The following SH3GL2 variants were observed in gnomAD, a reference collection of about 807,000 sequenced individuals.
The protein encoded by SH3GL2 is endophilin-A1.
In SH3GL2, 24 loss-of-function variants were observed where a neutral mutation model predicts 46.0. The ratio of observed to expected loss-of-function variants is 0.52; its 90% CI spans 0.38 to 0.73. The LOEUF (loss-of-function observed/expected upper bound fraction) is 0.73, where lower values mean the gene tolerates loss of function less well. SH3GL2 is among the 30% of genes least tolerant of loss of function. The pLI is 0.00. For missense variants in SH3GL2, 413 were observed against 424.2 expected (o/e 0.97, Z 0.23); for synonymous variants, 196 against 147.1 (o/e 1.33, Z -2.40).
At chr9:17,646,439 TGGA>T (rs1323816634) in intron 1 of SH3GL2, among the ~76,000 whole-genome samples, 1 of 152,104 alleles carries the variant, frequency 6.6e-6, no homozygotes, top group Non-Finnish European at 1.5e-5. Context: ...TGTGATCCTT[TGGA>T]GGAGAAGAGG....
At chr9:17,795,508 T>G (rs777733266) in intron 8 of SH3GL2, 36 bp from the exon 9 acceptor site, 1 of 1,566,062 alleles carries the variant, frequency 6.4e-7, no homozygotes, top group Non-Finnish European at 8.8e-7. Context: ...CCTTATCCTT[T>G]TGTGTTCTTC....
intron 3 of SH3GL2, among the ~76,000 whole-genome samples, chr9:17,776,898 G>T (rs771595608): frequency 1.3e-5 from 2 of 152,106 alleles, no homozygotes; most frequent in Non-Finnish European, 2.9e-5. Context: ...CTGTGACTTG[G>T]AAAAAGAGGC....
chr9:17,598,550 C>A (rs997816532), intron 1 of SH3GL2, among the ~76,000 whole-genome samples: 3 of 152,210 alleles, frequency 2.0e-5, no homozygotes. Flanking sequence ...AGCCCACCCC[C>A]CGACCTGCCC....
chr9:17,708,571 CTTTA>C (rs1436004090), intron 1 of SH3GL2, among the ~76,000 whole-genome samples: 11 of 151,926 alleles, frequency 7.2e-5, no homozygotes, highest in East Asian at 1.9e-4. Flanking sequence ...TTGCGTTATA[CTTTA>C]TTTATAAACT....
At chr9:17,711,204 A>C (rs1015069050) in intron 1 of SH3GL2, among the ~76,000 whole-genome samples, 4 of 151,930 alleles carry the variant, frequency 2.6e-5, no homozygotes, top group Non-Finnish European at 5.9e-5. Flanking sequence ...TACTTTTGTT[A>C]CCACTACTAC....
At position 17,768,284 on chromosome 9, in the gene SH3GL2, T is replaced by C. The variant is rs561593996; in HGVS notation, c.187+6775T>C. Among the ~76,000 whole-genome samples, 14 of 142,188 alleles carry C rather than the reference T, an allele frequency of 9.8e-5. No individual in the cohort carries two copies. In the South Asian group the frequency reaches 1.3e-3, roughly 13 times the overall value. The allele number at this position is 142,188 out of a possible 152,430, so 93.3% of individuals were successfully genotyped here. ...TACTTGGGAGGCTGAGGCAGGAGAA[T>C]GGCATGAACCTGGGAGGCGGAGCTT... is the stretch of plus-strand genomic sequence containing the variant. On this transcript the variant is annotated intron_variant, in intron 3 of 8. Coordinates refer to ENST00000380607, the MANE Select transcript of SH3GL2 (RefSeq NM_003026.5).
At position 17,622,976 on chromosome 9, in the gene SH3GL2, G is replaced by GTTTCC. The variant is rs1554631073; in HGVS notation, c.45+43694_45+43698dup. On this transcript the variant is annotated intron_variant, in intron 1 of 8. Transcript: ENST00000380607. The stretch of plus-strand genomic sequence containing the variant: ...CCCTTCCTCCCTCCCTTTTCCTTTC[G>GTTTCC]TTTCCTTTCGTTTCCTTTCCTTTCC... 6.2e-3 allele frequency among the ~76,000 whole-genome samples: 490 copies of GTTTCC among 78,554 alleles called. 4 individuals carry two copies. The highest frequency in any genetic ancestry group is 0.058 in the East Asian group (128 of 2,218). The allele number at this position is 78,554 out of a possible 152,430, so 51.5% of individuals were successfully genotyped here.
intron 1 of SH3GL2, chr9:17,653,775 C>A: frequency 2.5e-6 from 1 of 404,236 alleles, no homozygotes; most frequent in Non-Finnish European, 3.4e-6. Context: ...AGGGTGAAAG[C>A]AGTTCAATTT....
intron 1 of SH3GL2, among the ~76,000 whole-genome samples, chr9:17,672,704 T>A (rs1439751327): frequency 1.3e-5 from 2 of 152,100 alleles, no homozygotes; most frequent in Non-Finnish European, 2.9e-5. Context: ...AGTAACACAC[T>A]CTGTATATTC....
At chr9:17,584,522 T>A (rs1429230345) in intron 1 of SH3GL2, among the ~76,000 whole-genome samples, 63 of 152,064 alleles carry the variant, frequency 4.1e-4, no homozygotes, top group Non-Finnish European at 2.9e-5. Flanking sequence ...AATAAATAAA[T>A]TCATCATGTC....
chr9:17,673,438 G>A (rs1031994137), intron 1 of SH3GL2, among the ~76,000 whole-genome samples: 25 of 151,484 alleles, frequency 1.7e-4, no homozygotes, highest in African/African-American at 5.8e-4. Context: ...GAGCCACCAC[G>A]CCTGGCCTTC....
intron 1 of SH3GL2, among the ~76,000 whole-genome samples, chr9:17,704,439 A>G (rs1309107187): frequency 6.6e-6 from 1 of 152,086 alleles, no homozygotes; most frequent in African/African-American, 2.4e-5. Context: ...AGAAAAAAAA[A>G]ATATTAGAAC....
chr9:17,712,682 C>A (rs1821658206), intron 1 of SH3GL2, among the ~76,000 whole-genome samples: 1 of 151,782 alleles, frequency 6.6e-6, no homozygotes, highest in Non-Finnish European at 1.5e-5. Flanking sequence ...TTTTCTGATG[C>A]CAATACCTCC....
At chr9:17,636,769 C>T (rs947066509) in intron 1 of SH3GL2, among the ~76,000 whole-genome samples, 1 of 152,138 alleles carries the variant, frequency 6.6e-6, no homozygotes, top group Admixed American at 6.5e-5. Flanking sequence ...GTACTACTTA[C>T]CTAGTCCTTG....
chr9:17,633,153 T>G (rs1391663303), intron 1 of SH3GL2, among the ~76,000 whole-genome samples: 1 of 152,190 alleles, frequency 6.6e-6, no homozygotes, highest in Non-Finnish European at 1.5e-5. Flanking sequence ...CTCAAGTGAG[T>G]GTGCCCTCAG....
At chr9:17,603,676 C>T (rs1818710442) in intron 1 of SH3GL2, among the ~76,000 whole-genome samples, 1 of 152,138 alleles carries the variant, frequency 6.6e-6, no homozygotes, top group South Asian at 2.1e-4. Context: ...GCCTGGCCAA[C>T]ATGGAGAAAC....
At chr9:17,769,335 T>C (rs1823405667) in intron 3 of SH3GL2, among the ~76,000 whole-genome samples, 1 of 150,580 alleles carries the variant, frequency 6.6e-6, no homozygotes, top group African/African-American at 2.5e-5. Context: ...TTTCATAATA[T>C]TTACTTTATG....
intron 1 of SH3GL2, among the ~76,000 whole-genome samples, chr9:17,677,844 T>A (rs1820652904): frequency 6.6e-6 from 1 of 151,886 alleles, no homozygotes; most frequent in African/African-American, 2.4e-5. Context: ...GTGTTCTCAT[T>A]GTTCAATTCC....
At chr9:17,637,543 A>T (rs916543482) in intron 1 of SH3GL2, among the ~76,000 whole-genome samples, 3 of 152,300 alleles carry the variant, frequency 2.0e-5, no homozygotes, top group South Asian at 4.1e-4. Context: ...ACAGAATTCC[A>T]CCCTGGCCTT....
Sources: gnomAD v4.1 joint callset for allele counts (sites outside exome capture counted in the v4.1 genomes callset) on GRCh38, gnomAD v4.1.1 for gene constraint, MANE v1.5 for transcripts, NCBI Gene and HGNC (gene_info 2026-07-23, HGNC 2026-07-21) for gene names.